Variants in MACROD2 observed in about 807,000 individuals in gnomAD.
The protein encoded by MACROD2 is mono-ADP ribosylhydrolase 2, also known as ADP-ribose glycohydrolase MACROD2.
Under a neutral mutation model 70.4 loss-of-function variants are expected in MACROD2, and 36 were observed. That is an observed-to-expected ratio of 0.51 (90% CI 0.39 to 0.68). The LOEUF is 0.68. Ranked by LOEUF, MACROD2 falls within the 30% of genes least tolerant of loss-of-function variation. The pLI is 0.00. For missense variants in MACROD2, 496 were observed against 538.4 expected (o/e 0.92, Z 0.78); for synonymous variants, 172 against 178.8 (o/e 0.96, Z 0.30).
At chr20:14,292,207 C>G (rs1006899023) in intron 3 of MACROD2, among the ~76,000 whole-genome samples, 1 of 151,898 alleles carries the variant, frequency 6.6e-6, no homozygotes, top group African/African-American at 2.4e-5. Flanking sequence ...ACAGCTCTTA[C>G]TAGCCAACAC....
chr20:14,976,892 T>G (rs1192611767), intron 5 of MACROD2, among the ~76,000 whole-genome samples: 1 of 152,138 alleles, frequency 6.6e-6, no homozygotes, highest in Non-Finnish European at 1.5e-5. Context: ...TTACTGAGTA[T>G]TCAGTCAGTA....
intron 5 of MACROD2, among the ~76,000 whole-genome samples, chr20:15,081,939 T>C (rs1158559797): frequency 1.3e-5 from 2 of 152,292 alleles, no homozygotes; most frequent in Non-Finnish European, 1.5e-5. Context: ...TGAAGCTAAT[T>C]GTGCTGGAAT....
intron 3 of MACROD2, among the ~76,000 whole-genome samples, chr20:14,463,276 T>A (rs2084394720): frequency 2.0e-5 from 3 of 152,044 alleles, no homozygotes; most frequent in Non-Finnish European, 4.4e-5. Context: ...GATTCCTAGG[T>A]ATGTTATTCT....
chr20:15,049,841 G>A (rs1248087471), intron 5 of MACROD2, among the ~76,000 whole-genome samples: 6 of 151,952 alleles, frequency 3.9e-5, no homozygotes, highest in African/African-American at 7.3e-5. Flanking sequence ...CCAGCTGCTC[G>A]GGAGGCAGAG....
chr20:16,026,953 G>GTA (rs992902114), intron 15 of MACROD2, among the ~76,000 whole-genome samples: 2 of 152,166 alleles, frequency 1.3e-5, no homozygotes, highest in African/African-American at 4.8e-5. Context: ...TCAGGTGTGT[G>GTA]TATGTGTTTG....
chr20:14,879,413 GT>G (rs1217845951), intron 5 of MACROD2, among the ~76,000 whole-genome samples: 1 of 152,148 alleles, frequency 6.6e-6, no homozygotes, highest in African/African-American at 2.4e-5. Context: ...ACATTAGTCA[GT>G]TTTGAAATTC....
chr20:15,746,374 T>C (rs1371172571), intron 8 of MACROD2, among the ~76,000 whole-genome samples: 1 of 151,960 alleles, frequency 6.6e-6, no homozygotes, highest in Non-Finnish European at 1.5e-5. Flanking sequence ...GTAAACTTTC[T>C]TATCAATTTG....
intron 5 of MACROD2, among the ~76,000 whole-genome samples, chr20:14,859,833 T>C (rs2073295522): frequency 6.6e-6 from 1 of 152,128 alleles, no homozygotes; most frequent in South Asian, 2.1e-4. Context: ...ATAATTGTCA[T>C]TCTCAGTTCC....
At chr20:15,823,316 G>GTGTGTGTGTGTGTGTA (rs139668215) in intron 8 of MACROD2, among the ~76,000 whole-genome samples, 10 of 148,150 alleles carry the variant, frequency 6.7e-5, no homozygotes, top group African/African-American at 1.5e-4. Flanking sequence ...GTGTGTGTGT[G>GTGTGTGTGTGTGTGTA]TGTGTCTATA....
At chr20:15,480,467 T>C (rs2047082241) in intron 7 of MACROD2, among the ~76,000 whole-genome samples, 1 of 152,190 alleles carries the variant, frequency 6.6e-6, no homozygotes, top group Non-Finnish European at 1.5e-5. Flanking sequence ...AGTGATAATC[T>C]AGTGAATTAG....
At chr20:16,049,793 A>G in intron 17 of MACROD2, 37 bp from the exon 18 acceptor site, 14 of 1,610,374 alleles carry the variant, frequency 8.7e-6, no homozygotes, top group Non-Finnish European at 1.2e-5. Context: ...AAGATGTCTT[A>G]TCTTTAATCT....
At chr20:14,661,370 T>G (rs908848769) in intron 4 of MACROD2, among the ~76,000 whole-genome samples, 10 of 152,222 alleles carry the variant, frequency 6.6e-5, no homozygotes, top group African/African-American at 2.2e-4. Context: ...TGTCTGTTCA[T>G]GTCCTTGGCC....
chr20:14,869,898 G>T (rs2073468794), intron 5 of MACROD2, among the ~76,000 whole-genome samples: 1 of 152,146 alleles, frequency 6.6e-6, no homozygotes, highest in African/African-American at 2.4e-5. Context: ...GAAGACGGCA[G>T]TAACTGCACC....
At chr20:15,140,218 T>G (rs1309454672) in intron 5 of MACROD2, among the ~76,000 whole-genome samples, 1 of 152,144 alleles carries the variant, frequency 6.6e-6, no homozygotes, top group African/African-American at 2.4e-5. Context: ...CCCTCCTTTT[T>G]CCCTCCCAAG....
chr20:15,542,576 G>A (rs1401786760), intron 8 of MACROD2, among the ~76,000 whole-genome samples: 2 of 152,134 alleles, frequency 1.3e-5, no homozygotes, highest in African/African-American at 4.8e-5. Context: ...CAAAGATAGA[G>A]TCTTAAAAGA....
intron 10 of MACROD2, among the ~76,000 whole-genome samples, chr20:15,915,082 A>G (rs1180886539): frequency 6.6e-6 from 1 of 152,162 alleles, no homozygotes; most frequent in Non-Finnish European, 1.5e-5. Context: ...GCATTCATCA[A>G]CATGGCAGTT....
chr20:15,497,506 G>A (rs2047312844), intron 7 of MACROD2, among the ~76,000 whole-genome samples: 1 of 152,028 alleles, frequency 6.6e-6, no homozygotes, highest in African/African-American at 2.4e-5. Context: ...TGGCCAGGCT[G>A]GTCTTGAGCT....
intron 5 of MACROD2, among the ~76,000 whole-genome samples, chr20:15,182,507 A>T (rs2076507507): frequency 6.6e-6 from 1 of 152,186 alleles, no homozygotes; most frequent in Non-Finnish European, 1.5e-5. Context: ...AATCCAGGAT[A>T]TTCTAATCTT....
At chr20:14,523,953 C>T (rs770848111) in intron 4 of MACROD2, among the ~76,000 whole-genome samples, 7 of 152,086 alleles carry the variant, frequency 4.6e-5, no homozygotes, top group African/African-American at 1.2e-4. Flanking sequence ...AGAGGTGATC[C>T]GGACGTTGTT....
Sources: allele counts gnomAD v4.1 joint callset (sites outside exome capture counted in the v4.1 genomes callset), GRCh38; gene constraint gnomAD v4.1.1; transcripts MANE v1.5; gene names NCBI Gene and HGNC (gene_info 2026-07-23, HGNC 2026-07-21).